HS3ST3A1: variants seen among roughly 807,000 people sequenced by gnomAD.
The protein encoded by HS3ST3A1 is heparan sulfate glucosamine 3-O-sulfotransferase 3A1.
A neutral mutation model predicts 25.7 loss-of-function variants in HS3ST3A1; 19 were observed. That is an observed-to-expected ratio of 0.74 (90% confidence interval 0.52 to 1.08). HS3ST3A1 has a LOEUF of 1.08. Among genes scored for constraint, HS3ST3A1 ranks in the 50% least tolerant of loss-of-function variants. HS3ST3A1 has a pLI of 0.00. For missense variants in HS3ST3A1, 459 were observed against 594.3 expected, an observed-to-expected ratio of 0.77 and a Z score of 2.37; for synonymous variants, 226 against 278.6, an observed-to-expected ratio of 0.81 and a Z score of 1.88.
At chr17:13,496,908 A>G in intron 1 of HS3ST3A1, 90 bp from the exon 2 acceptor site, 2 of 1,518,112 alleles carry the variant, frequency 1.3e-6, no homozygotes, top group South Asian at 1.3e-5. Context: ...CCAGGCCGCA[A>G]TTCCAGCCCC....
chr17:13,580,917 C>G (rs1908095933), intron 1 of HS3ST3A1, among the ~76,000 whole-genome samples: 1 of 151,922 alleles, frequency 6.6e-6, no homozygotes. Flanking sequence ...AAAGAACACA[C>G]ACAGTCAATT....
chr17:13,528,555 G>T (rs1050735877), intron 1 of HS3ST3A1, among the ~76,000 whole-genome samples: 3 of 152,164 alleles, frequency 2.0e-5, no homozygotes, highest in African/African-American at 7.2e-5. Flanking sequence ...CTGCATGAGG[G>T]TCTACCCAAT....
chr17:13,582,832 C>T (rs1043490073), intron 1 of HS3ST3A1, among the ~76,000 whole-genome samples: 5 of 152,124 alleles, frequency 3.3e-5, no homozygotes, highest in Non-Finnish European at 7.4e-5. Context: ...TGCTGTAATA[C>T]AGAGTAACCT....
chr17:13,584,612 G>C (rs1313129475), intron 1 of HS3ST3A1, among the ~76,000 whole-genome samples: 2 of 143,096 alleles, frequency 1.4e-5, no homozygotes, highest in Non-Finnish European at 3.1e-5. Flanking sequence ...GGATTGATTT[G>C]GCTAAAACTC....
intron 1 of HS3ST3A1, among the ~76,000 whole-genome samples, chr17:13,542,838 A>T (rs1250232215): frequency 6.6e-6 from 1 of 151,980 alleles, no homozygotes. Context: ...CCCCACTACC[A>T]CCACACACAC....
intron 1 of HS3ST3A1, among the ~76,000 whole-genome samples, chr17:13,499,950 T>G (rs1567607638): frequency 6.6e-6 from 1 of 152,188 alleles, no homozygotes; most frequent in Non-Finnish European, 1.5e-5. Context: ...AAATAAATCC[T>G]AATCAAGCTT....
chr17:13,529,248 A>G (rs1251013889), intron 1 of HS3ST3A1, among the ~76,000 whole-genome samples: 1 of 152,172 alleles, frequency 6.6e-6, no homozygotes. Flanking sequence ...TCATAACACC[A>G]ATCTATCATG....
At chr17:13,588,285 G>C (rs1044960330) in intron 1 of HS3ST3A1, among the ~76,000 whole-genome samples, 1 of 151,596 alleles carries the variant, frequency 6.6e-6, no homozygotes, top group African/African-American at 2.4e-5. Flanking sequence ...AAAAAAAATT[G>C]CTGACACCTG....
At chr17:13,549,043 T>C (rs750648854) in intron 1 of HS3ST3A1, among the ~76,000 whole-genome samples, 4 of 152,174 alleles carry the variant, frequency 2.6e-5, no homozygotes, top group Non-Finnish European at 5.9e-5. Flanking sequence ...GCTTTGTTCT[T>C]TTGCTTTTCA....
At chr17:13,502,770 G>T (rs1422125984) in intron 1 of HS3ST3A1, among the ~76,000 whole-genome samples, 3 of 151,980 alleles carry the variant, frequency 2.0e-5, no homozygotes, top group African/African-American at 7.2e-5. Context: ...ATCACCTGGA[G>T]ATACAAATAT....
intron 1 of HS3ST3A1, among the ~76,000 whole-genome samples, chr17:13,597,698 T>C (rs1908615398): frequency 6.6e-6 from 1 of 152,248 alleles, no homozygotes; most frequent in African/African-American, 2.4e-5. Context: ...CTAGAGATTT[T>C]GAATAATAAA....
intron 1 of HS3ST3A1, among the ~76,000 whole-genome samples, chr17:13,596,438 C>CACACAT (rs1555543573): frequency 1.3e-5 from 2 of 151,492 alleles, no homozygotes; most frequent in African/African-American, 4.9e-5. Context: ...CACACACACA[C>CACACAT]ACACACACAC....
At chr17:13,530,424 C>T (rs1232655801) in intron 1 of HS3ST3A1, among the ~76,000 whole-genome samples, 3 of 152,100 alleles carry the variant, frequency 2.0e-5, no homozygotes, top group Admixed American at 2.0e-4. Context: ...TCCCACTCTC[C>T]AAATGACTGA....
chr17:13,537,456 C>T (rs951393292), intron 1 of HS3ST3A1, among the ~76,000 whole-genome samples: 3 of 152,216 alleles, frequency 2.0e-5, no homozygotes, highest in African/African-American at 7.2e-5. Context: ...GGGCCGCCTC[C>T]CTCTTGTCCC....
intron 1 of HS3ST3A1, among the ~76,000 whole-genome samples, chr17:13,511,416 A>T (rs553862289): frequency 3.7e-4 from 57 of 152,114 alleles, no homozygotes; most frequent in South Asian, 1.2e-3. Context: ...AGAGAAAAAA[A>T]ATCAAATTAA....
rs141781929 is a variant in HS3ST3A1 at position 13,547,388 on chromosome 17, G to T, written c.600-50570C>A. On this transcript the variant is annotated intron_variant, in intron 1 of 1. Transcript: ENST00000284110. ...AAGACCAACGCACCATTAGGGAGTT[G>T]GAACTTTTAGCCTCACCCTACAACC... Among the ~76,000 whole-genome samples, 224 of 152,236 alleles carry T rather than the reference G, an allele frequency of 1.5e-3. 1 individual carries two copies. The highest frequency in any genetic ancestry group is 5.0e-3 in the African/African-American group (207 of 41,532).
At chr17:13,503,338 G>A (rs1376966138) in intron 1 of HS3ST3A1, among the ~76,000 whole-genome samples, 2 of 152,144 alleles carry the variant, frequency 1.3e-5, no homozygotes, top group African/African-American at 2.4e-5. Flanking sequence ...AGCTAGATAG[G>A]AGGAATAAGT....
At chr17:13,579,453 C>G (rs1908040595) in intron 1 of HS3ST3A1, among the ~76,000 whole-genome samples, 1 of 151,948 alleles carries the variant, frequency 6.6e-6, no homozygotes, top group Non-Finnish European at 1.5e-5. Context: ...GTAATCCCAG[C>G]ACTATAGGAG....
intron 1 of HS3ST3A1, among the ~76,000 whole-genome samples, chr17:13,514,137 AT>A (rs930389006): frequency 7.9e-5 from 12 of 151,238 alleles, no homozygotes; most frequent in Non-Finnish European, 1.2e-4. Context: ...TTCTAATGGG[AT>A]TTTTTTTCTT....
Sources: gnomAD v4.1 joint callset for allele counts (sites outside exome capture counted in the v4.1 genomes callset) on GRCh38, gnomAD v4.1.1 for gene constraint, MANE v1.5 for transcripts, NCBI Gene and HGNC (gene_info 2026-07-23, HGNC 2026-07-21) for gene names.